NXPH1: variants seen among roughly 807,000 people sequenced by gnomAD.
NXPH1 encodes neurexophilin-1.
Under a neutral mutation model 23.7 loss-of-function variants are expected in NXPH1, and 5 were observed. That is an observed-to-expected ratio of 0.21 (90% CI 0.11 to 0.44). The LOEUF is 0.44. Ranked by LOEUF, NXPH1 falls within the 20% of genes least tolerant of loss-of-function variation. The pLI, the probability that NXPH1 is intolerant of heterozygous loss-of-function variation, is 0.99. For missense variants in NXPH1, 324 were observed against 321.6 expected, an observed-to-expected ratio of 1.01 and a Z score of -0.06; for synonymous variants, 144 against 122.2, an observed-to-expected ratio of 1.18 and a Z score of -1.18.
At chr7:8,580,371 A>G (rs1037487954) in intron 2 of NXPH1, among the ~76,000 whole-genome samples, 10 of 152,156 alleles carry the variant, frequency 6.6e-5, no homozygotes, top group African/African-American at 2.4e-4. Context: ...GGATGTTACT[A>G]ACATCCACTT....
At chr7:8,603,360 G>A (rs1819407042) in intron 2 of NXPH1, among the ~76,000 whole-genome samples, 1 of 152,140 alleles carries the variant, frequency 6.6e-6, no homozygotes, top group African/African-American at 2.4e-5. Context: ...AGTGTTCTTA[G>A]TGACCTCAAT....
rs529515802 is a variant in NXPH1, at chr7:8,538,865, A to G, written c.54+103098A>G. Among the ~76,000 whole-genome samples the G allele has an allele frequency of 1.3e-5, 2 of 152,068 alleles. 1 individual carries two copies. The highest frequency in any genetic ancestry group is 4.1e-4 in the South Asian group (2 of 4,822). On this transcript the variant is annotated intron_variant, in intron 2 of 2. Transcript: ENST00000405863. ...AAGCTGTATGGATTTGAGCAGAAGG[A>G]TGGAGAGGCATTTAAGAGGGTGGGC...
chr7:8,676,211 G>T (rs756970964), intron 2 of NXPH1, among the ~76,000 whole-genome samples: 1 of 152,108 alleles, frequency 6.6e-6, no homozygotes, highest in Non-Finnish European at 1.5e-5. Flanking sequence ...AACTCCCTAC[G>T]TCTAAGATGT....
intron 2 of NXPH1, among the ~76,000 whole-genome samples, chr7:8,486,267 A>G (rs1198011400): frequency 6.6e-6 from 1 of 152,182 alleles, no homozygotes; most frequent in Non-Finnish European, 1.5e-5. Context: ...GAAGACCTAG[A>G]GGAGTAGAGC....
At chr7:8,665,902 GTTTTTTTTTCTTTTTCTTTTTTTT>G (rs1471779688) in intron 2 of NXPH1, among the ~76,000 whole-genome samples, 1 of 73,980 alleles carries the variant, frequency 1.4e-5, no homozygotes, top group Non-Finnish European at 3.3e-5. Context: ...GTTCTAAGAG[GTTTTTTTTTCTTTTTCTTTTTTTT>G]TTTTTTTTGA....
At chr7:8,450,122 C>G (rs540273422) in intron 2 of NXPH1, among the ~76,000 whole-genome samples, 3 of 152,160 alleles carry the variant, frequency 2.0e-5, no homozygotes, top group Non-Finnish European at 4.4e-5. Flanking sequence ...ACATCTGTAT[C>G]TCTTCTAACA....
intron 2 of NXPH1, among the ~76,000 whole-genome samples, chr7:8,689,373 C>A (rs1020608128): frequency 6.6e-6 from 1 of 150,470 alleles, no homozygotes; most frequent in Non-Finnish European, 1.5e-5. Flanking sequence ...AAACATAGGA[C>A]ATATTCAAAT....
chr7:8,713,690 A>G (rs771656249), intron 2 of NXPH1, among the ~76,000 whole-genome samples: 1 of 152,212 alleles, frequency 6.6e-6, no homozygotes, highest in African/African-American at 2.4e-5. Context: ...CCCAAGTGCA[A>G]TAACACTGTA....
intron 2 of NXPH1, among the ~76,000 whole-genome samples, chr7:8,644,247 G>C (rs1192470335): frequency 1.3e-5 from 2 of 152,138 alleles, no homozygotes; most frequent in African/African-American, 4.8e-5. Flanking sequence ...TTTTGGTTTT[G>C]GTCTGGGAGA....
chr7:8,661,380 T>C (rs1208885641), intron 2 of NXPH1, among the ~76,000 whole-genome samples: 1 of 152,170 alleles, frequency 6.6e-6, no homozygotes, highest in Non-Finnish European at 1.5e-5. Flanking sequence ...CTCAGACTTC[T>C]CAAAATAGTT....
intron 2 of NXPH1, among the ~76,000 whole-genome samples, chr7:8,643,155 G>A (rs1050044445): frequency 2.5e-5 from 3 of 119,422 alleles, no homozygotes; most frequent in Non-Finnish European, 3.7e-5. Context: ...GAGCCACCAT[G>A]CCCGGCCAGG....
chr7:8,552,153 C>T (rs1388440707), intron 2 of NXPH1, among the ~76,000 whole-genome samples: 2 of 139,382 alleles, frequency 1.4e-5, no homozygotes, highest in African/African-American at 5.7e-5. Flanking sequence ...CCACCAAAAC[C>T]ACACAAACCG....
chr7:8,624,962 TA>T (rs991644681), intron 2 of NXPH1, among the ~76,000 whole-genome samples: 22 of 152,064 alleles, frequency 1.4e-4, no homozygotes, highest in African/African-American at 5.1e-4. Flanking sequence ...AAAAGTGGGG[TA>T]GGCTAAGTGA....
intron 2 of NXPH1, among the ~76,000 whole-genome samples, chr7:8,659,418 T>C (rs1820634670): frequency 6.6e-6 from 1 of 152,164 alleles, no homozygotes; most frequent in African/African-American, 2.4e-5. Flanking sequence ...AGAAGTTTGA[T>C]CATCTGAAGC....
intron 2 of NXPH1, among the ~76,000 whole-genome samples, chr7:8,744,011 C>A (rs765352730): frequency 2.0e-4 from 30 of 152,310 alleles, no homozygotes; most frequent in Admixed American, 3.3e-4. Context: ...CATGTGCTCA[C>A]ACTTCCACCA....
intron 2 of NXPH1, among the ~76,000 whole-genome samples, chr7:8,705,769 A>T (rs767026814): frequency 5.3e-5 from 8 of 152,114 alleles, no homozygotes; most frequent in Non-Finnish European, 1.2e-4. Context: ...ACCTAGCAAG[A>T]TCATCAGTGT....
chr7:8,514,693 TG>T (rs1203820710), intron 2 of NXPH1, among the ~76,000 whole-genome samples: 1 of 152,160 alleles, frequency 6.6e-6, no homozygotes, highest in African/African-American at 2.4e-5. Flanking sequence ...ATGTAAGTTC[TG>T]TACATCTCTC....
intron 2 of NXPH1, among the ~76,000 whole-genome samples, chr7:8,655,451 T>TAC (rs71017603): frequency 0.053 from 7,344 of 138,824 alleles, 437 homozygotes; most frequent in East Asian, 0.16. Context: ...TCTCTCTCTA[T>TAC]ACACACACAC....
At chr7:8,440,222 T>A (rs1334941310) in intron 2 of NXPH1, among the ~76,000 whole-genome samples, 2 of 152,220 alleles carry the variant, frequency 1.3e-5, no homozygotes, top group Admixed American at 6.5e-5. Context: ...TCTAGGCATT[T>A]CCCTGAAATG....
Sources: gnomAD v4.1 joint callset for allele counts (sites outside exome capture counted in the v4.1 genomes callset) on GRCh38, gnomAD v4.1.1 for gene constraint, MANE v1.5 for transcripts, NCBI Gene and HGNC (gene_info 2026-07-23, HGNC 2026-07-21) for gene names.